SPOUT1: variants seen among roughly 807,000 people sequenced by gnomAD.
SPOUT1 encodes the protein 28S rRNA (uridine-N(3))-methyltransferase.
Under a neutral mutation model 54.8 loss-of-function variants are expected in SPOUT1, and 40 were observed. The observed-to-expected ratio is 0.73, with a 90% CI of 0.57 to 0.95. SPOUT1 has a LOEUF of 0.95. Ranked by LOEUF, SPOUT1 falls within the 40% of genes least tolerant of loss-of-function variation. The pLI is 0.00. For synonymous variants in SPOUT1, 193 were observed against 200.3 expected, an observed-to-expected ratio of 0.96 and a Z score of 0.31; for missense variants, 437 against 499.5, an observed-to-expected ratio of 0.87 and a Z score of 1.19.
intron 2 of SPOUT1, 73 bp downstream of exon 2, chr9:128,829,037 G>A: frequency 2.6e-6 from 4 of 1,523,070 alleles, no homozygotes. Context: ...CAAAGTTGGT[G>A]TCTTTCTCCA....
In SPOUT1 at chr9:128,820,646, A is replaced by C; in HGVS notation, c.*2119T>G. 1 of 1,017,656 alleles carries C rather than the reference A, an allele frequency of 9.8e-7. No homozygotes were observed. The highest frequency in any genetic ancestry group is 1.5e-6 in the Non-Finnish European group (1 of 667,710). The allele number at this position is 1,017,656 out of a possible 1,614,324, so 63.0% of individuals were successfully genotyped here. A position where few individuals can be genotyped will look rare whatever the true frequency, so the allele number is the denominator to read the frequency against. On this transcript the variant is annotated 3_prime_UTR_variant, in exon 12 of 12. Transcript: ENST00000361256. ...CCGCTTGTCTCACTGGATATCTCTG[A>C]GCCTGTCCATCCCCTCAGGACCTGG...
In SPOUT1 at chr9:128,827,073, C is replaced by A. The variant is rs763506275; in HGVS notation, c.327G>T (p.Val109=). 1 of 1,614,058 alleles carries A rather than the reference C, an allele frequency of 6.2e-7. No homozygotes were observed. Among genetic ancestry groups the A allele is most frequent in the Admixed American group, 1.7e-5 (1 of 60,012 alleles). ...QIARACAIFC[V]DEIVVFDEEG... ...CCTCATCAAACACCACGATCTCATC[C>A]ACACAGAAGATGGCACAGGCTCTGG... The change falls in exon 4 of 12, where the codon GTG becomes GTT. Residue 109 remains valine, a synonymous_variant. Coordinates refer to ENST00000361256, the MANE Select transcript of SPOUT1 (RefSeq NM_016390.4).
At position 128,826,104 on chromosome 9, in the gene SPOUT1, T is replaced by C; in HGVS notation, c.557A>G (p.Glu186Gly). Residue 186 changes from glutamate to glycine, a missense_variant, in exon 7 of 12, where the codon GAA becomes GGA. Glu to Gly is a moderately conservative substitution (Grantham distance 98). Coordinates refer to ENST00000361256, the MANE Select transcript of SPOUT1 (RefSeq NM_016390.4). The surrounding 1 kb of genome is among the most constrained non-coding windows in gnomAD (Gnocchi z 5.5). The stretch of plus-strand genomic sequence containing the variant: ...CACGATGCCCTCTCGGAACTCGGAT[T>C]CCTCATCCTGACGCATGTGGTGGGG... ...DSPHHMRQDE[E>G]SEFREGIVVD... 6.2e-7 allele frequency: 1 copy of C among 1,613,652 alleles called. No individual in the cohort carries two copies. The highest frequency in any genetic ancestry group is 8.5e-7 in the Non-Finnish European group (1 of 1,179,754).
In SPOUT1 at chr9:128,820,863, AG is replaced by A; in HGVS notation, c.*1901del. On this transcript the variant is annotated 3_prime_UTR_variant, in exon 12 of 12. Transcript: ENST00000361256. ...TTCCTGCCCAGGTAAGGTGGAAACC[AG>A]GGGGGCGGCAGAACCTCCCACTCAC... 1.3e-6 allele frequency: 2 copies of A among 1,593,666 alleles called. No individual in the cohort carries two copies. The highest frequency in any genetic ancestry group is 1.3e-5 in the African/African-American group (1 of 74,708).
chr9:128,828,738 G>C lies in SPOUT1; in HGVS notation c.205C>G (p.Arg69Gly), dbSNP rs1427279986. Residue 69 changes from arginine to glycine, a missense_variant, in exon 3 of 12, where the codon CGC (arginine) becomes GGC (glycine). Coordinates refer to ENST00000361256, the MANE Select transcript of SPOUT1 (RefSeq NM_016390.4). ...CCTCCCCAAGACCCCAGCTCACCGC[G>C]GTCCTCCTTCTCTGCCGCTGCCTCC... The part of the protein sequence containing the change: ...EEEAAAEKED[R>G]GRPYTLSVAL... 4 of 1,613,344 alleles carry C rather than the reference G, an allele frequency of 2.5e-6. No individual in the cohort carries two copies. Among genetic ancestry groups the C allele is most frequent in the Non-Finnish European group, 3.4e-6 (4 of 1,180,012 alleles).
Position 128,826,085 on chromosome 9 carries a change from G to A in SPOUT1, c.576C>T (p.Gly192=), listed in dbSNP as rs1830234441. 6.2e-7 allele frequency: 1 copy of A among 1,614,062 alleles called. No homozygotes were observed. Among genetic ancestry groups the A allele is most frequent in the South Asian group, 1.1e-5 (1 of 91,066 alleles). The change falls in exon 7 of 12, where the codon GGC becomes GGT. Residue 192 remains glycine, a synonymous_variant. Coordinates refer to ENST00000361256, the MANE Select transcript of SPOUT1 (RefSeq NM_016390.4). The surrounding 1 kb of genome is among the most constrained non-coding windows in gnomAD (Gnocchi z 5.5). Reference sequence around the variant, plus strand: ...GCCGGGTGGGCCGATCCACCACGATGCCCTCTCGGAACTCGGATTCCTCAT... The same window carrying A: ...GCCGGGTGGGCCGATCCACCACGATACCCTCTCGGAACTCGGATTCCTCAT... ...RQDEESEFRE[G]IVVDRPTRPG...
rs1335232143 is a variant in SPOUT1, at chr9:128,822,608, T to C, written c.*157A>G. 1.3e-6 allele frequency: 2 copies of C among 1,567,252 alleles called. No individual in the cohort carries two copies. The highest frequency in any genetic ancestry group is 1.3e-5 in the African/African-American group (1 of 74,202). On this transcript the variant is annotated 3_prime_UTR_variant, in exon 12 of 12. Coordinates refer to ENST00000361256, the MANE Select transcript of SPOUT1 (RefSeq NM_016390.4). ...CAAGGCCATCACGGCGGGCAGTAAGTGAGGGTGGAGCCCAGTGAGACTGTG... is the reference window on the plus strand; with the variant it reads ...CAAGGCCATCACGGCGGGCAGTAAGCGAGGGTGGAGCCCAGTGAGACTGTG...
Position 128,829,131 on chromosome 9 carries a change from A to T in SPOUT1, c.61T>A (p.Trp21Arg). The T allele has an allele frequency of 6.2e-7, 1 of 1,614,012 alleles. No individual in the cohort carries two copies. Among genetic ancestry groups the T allele is most frequent in the Non-Finnish European group, 8.5e-7 (1 of 1,179,914 alleles). ...GPGEHGQRIEWRKWKQQKKEE... is the reference protein window; with the variant it reads ...GPGEHGQRIERRKWKQQKKEE... ...TTACTCTGTTGCTTCCATTTTCGCC[A>T]CTCAATCCTTTGGCCGTGTTCACCC... The change falls in exon 2 of 12, where the codon TGG becomes AGG. Residue 21 changes from tryptophan (W) to arginine (R), a missense_variant. Physicochemically the swap from Trp to Arg is moderately radical, Grantham distance 101. Coordinates refer to ENST00000361256, the MANE Select transcript of SPOUT1 (RefSeq NM_016390.4).
At chr9:128,824,318 A>C in intron 9 of SPOUT1, 144 bp from the exon 10 acceptor site, 2 of 567,314 alleles carry the variant, frequency 3.5e-6, no homozygotes, top group Non-Finnish European at 6.5e-6. Context: ...GTACTAAGGT[A>C]GGGGTGGGTG....
Position 128,819,900 on chromosome 9 carries a change from C to A in SPOUT1, c.*2865G>T, listed in dbSNP as rs139399605. 516 of 152,402 alleles carry A rather than the reference C, an allele frequency of 3.4e-3. 1 individual carries two copies. The highest frequency in any genetic ancestry group is 8.0e-3 in the Admixed American group (123 of 15,314). 9.4% of individuals were successfully genotyped at this position (152,402 alleles called of 1,614,324 possible). ...ATGACAATCTCCAGCCGCCACTGAT[C>A]TGACAGGAGGCGGAGCTCAGGCTGC... On this transcript the variant is annotated 3_prime_UTR_variant, in exon 12 of 12. Coordinates refer to ENST00000361256, the MANE Select transcript of SPOUT1 (RefSeq NM_016390.4).
At chr9:128,823,258 T>C (rs183148021) in intron 11 of SPOUT1, among the ~76,000 whole-genome samples, 14 of 151,596 alleles carry the variant, frequency 9.2e-5, no homozygotes, top group Admixed American at 2.6e-4. Flanking sequence ...CTGATGGGAG[T>C]ACCAGCCTTC....
In SPOUT1 at chr9:128,824,817, T is replaced by C. The variant is rs1285687086; in HGVS notation, c.765A>G (p.Lys255=). ...CGGTGTAGCCCCAGTAGAGACCAGC[T>C]TTGGTGCGAGGGTCCTGCGATGATA... ...KVVSSQDPRT[K]AGLYWGYTVR... The change falls in exon 9 of 12, where the codon AAA becomes AAG. Residue 255 remains lysine, a synonymous_variant. Transcript: ENST00000361256. 2 of 1,614,042 alleles carry C rather than the reference T, an allele frequency of 1.2e-6. No individual in the cohort carries two copies. The highest frequency in any genetic ancestry group is 1.1e-5 in the South Asian group (1 of 91,074).
chr9:128,828,917 C>T (rs567173725), intron 2 of SPOUT1, 57 bp from the exon 3 acceptor site: 110 of 1,609,932 alleles, frequency 6.8e-5, no homozygotes, highest in Non-Finnish European at 9.3e-5. Context: ...ATTGGGTCAG[C>T]CTGGACTCTG....
Position 128,829,783 on chromosome 9 carries a change from T to A in SPOUT1, c.-3A>T. 6.2e-7 allele frequency: 1 copy of A among 1,602,040 alleles called. No homozygotes were observed. The highest frequency in any genetic ancestry group is 8.5e-7 in the Non-Finnish European group (1 of 1,175,070). Reference sequence around the variant, plus strand: ...CGCTTCCTGCCGCGCTCCGCCATGTTCCGCACACACCGTCGGTCCCGCCTC... The same window carrying A: ...CGCTTCCTGCCGCGCTCCGCCATGTACCGCACACACCGTCGGTCCCGCCTC... On this transcript the variant is annotated 5_prime_UTR_variant, in exon 1 of 12. Coordinates refer to ENST00000361256, the MANE Select transcript of SPOUT1 (RefSeq NM_016390.4).
Position 128,826,162 on chromosome 9 carries a change from C to G in SPOUT1, c.509-10G>C, listed in dbSNP as rs1375993194. 6.3e-7 allele frequency: 1 copy of G among 1,598,128 alleles called. No individual in the cohort carries two copies. Among genetic ancestry groups the G allele is most frequent in the East Asian group, 2.2e-5 (1 of 44,824 alleles). ...AGGGGGTTCAGGAGCCCTGTGGAGG[C>G]AGAGCCGGGAAGAGTCTGGGAAGTG... On this transcript the variant is annotated splice_polypyrimidine_tract_variant and intron_variant, in intron 6 of 11. Coordinates refer to ENST00000361256, the MANE Select transcript of SPOUT1 (RefSeq NM_016390.4). This position sits in a 1 kb window ranked among gnomAD's most constrained non-coding sequence, Gnocchi z 5.5.
At chr9:128,824,019 AG>A in intron 10 of SPOUT1, 52 bp downstream of exon 10, 1 of 1,582,584 alleles carries the variant, frequency 6.3e-7, no homozygotes, top group Non-Finnish European at 8.7e-7. Flanking sequence ...CCCACCAGGC[AG>A]GTTCCTGGCC....
intron 7 of SPOUT1, among the ~76,000 whole-genome samples, 176 bp from the exon 8 acceptor site, chr9:128,825,225 C>T (rs1830216602): frequency 6.6e-6 from 1 of 152,226 alleles, no homozygotes; most frequent in Non-Finnish European, 1.5e-5. Context: ...ATCATTTGTG[C>T]AAAACACAGG....
In SPOUT1 at chr9:128,826,042, C is replaced by G. The variant is rs1421319589; in HGVS notation, c.619G>C (p.Val207Leu). 6.2e-7 allele frequency: 1 copy of G among 1,614,170 alleles called. No homozygotes were observed. Among genetic ancestry groups the G allele is most frequent in the Non-Finnish European group, 8.5e-7 (1 of 1,180,034 alleles). ...CCTACCTTTTTCATGCCACAGTTGA[C>G]AAAGGAGCCGTGGCCTGGCCGGGTG... is the stretch of plus-strand genomic sequence containing the variant. The part of the protein sequence containing the change: ...RPTRPGHGSF[V>L]NCGMKKEVKI... The change falls in exon 7 of 12, where the codon GTC (valine) becomes CTC (leucine). Residue 207 changes from valine to leucine, a missense_variant. By Grantham distance (32) the Val-to-Leu change is conservative. Coordinates refer to ENST00000361256, the MANE Select transcript of SPOUT1 (RefSeq NM_016390.4). The surrounding 1 kb of genome is among the most constrained non-coding windows in gnomAD (Gnocchi z 5.5).
chr9:128,822,572 G>T lies in SPOUT1; in HGVS notation c.*193C>A. 6.4e-7 allele frequency: 1 copy of T among 1,567,348 alleles called. No homozygotes were observed. Among genetic ancestry groups the T allele is most frequent in the East Asian group, 2.3e-5 (1 of 42,938 alleles). ...CTTTGTGCCAAACATCCTGGCGCGG[G>T]CAGGCAGCCTCAAGGCCATCACGGC... On this transcript the variant is annotated 3_prime_UTR_variant, in exon 12 of 12. Coordinates refer to ENST00000361256, the MANE Select transcript of SPOUT1 (RefSeq NM_016390.4).
Sources: allele counts gnomAD v4.1 joint callset (sites outside exome capture counted in the v4.1 genomes callset), GRCh38; gene constraint gnomAD v4.1.1; non-coding constraint Gnocchi (gnomAD v3.1); transcripts MANE v1.5; gene names NCBI Gene and HGNC (gene_info 2026-07-23, HGNC 2026-07-21).